The following MTA3 variants were observed in gnomAD, a reference collection of about 807,000 sequenced individuals.
MTA3 encodes the protein metastasis-associated protein MTA3.
In MTA3, 34 loss-of-function variants were observed where a neutral mutation model predicts 83.5. That is an observed-to-expected ratio of 0.41 (90% CI 0.31 to 0.54). The LOEUF (loss-of-function observed/expected upper bound fraction) is 0.54, where lower values mean the gene tolerates loss of function less well. Ranked by LOEUF, MTA3 falls within the 20% of genes least tolerant of loss-of-function variation. MTA3 has a pLI of 0.33. For missense variants in MTA3, 761 were observed against 726.4 expected, an observed-to-expected ratio of 1.05 and a Z score of -0.55; for synonymous variants, 303 against 252.7, an observed-to-expected ratio of 1.20 and a Z score of -1.89.
intron 8 of MTA3, among the ~76,000 whole-genome samples, chr2:42,681,375 A>G (rs997565871): frequency 5.9e-5 from 9 of 152,198 alleles, no homozygotes; most frequent in African/African-American, 2.2e-4. Flanking sequence ...TTTCTGTCTT[A>G]GTACATGATT....
intron 3 of MTA3, among the ~76,000 whole-genome samples, chr2:42,584,886 G>A (rs2103899194): frequency 6.6e-6 from 1 of 151,598 alleles, no homozygotes; most frequent in East Asian, 1.9e-4. Flanking sequence ...TTCTCTTGGG[G>A]GAAAAAAATG....
chr2:42,552,180 C>T (rs1029292071), intron 2 of MTA3, among the ~76,000 whole-genome samples: 1 of 152,092 alleles, frequency 6.6e-6, no homozygotes, highest in African/African-American at 2.4e-5. Context: ...AGCAGAATTG[C>T]AAAGGCCCTG....
chr2:42,733,483 T>C (rs1015715088), intron 16 of MTA3, among the ~76,000 whole-genome samples: 1 of 152,240 alleles, frequency 6.6e-6, no homozygotes, highest in Non-Finnish European at 1.5e-5. Flanking sequence ...AGCCAAACCA[T>C]ATCAAGGCTC....
At chr2:42,744,562 C>T (rs1669271747) in intron 16 of MTA3, among the ~76,000 whole-genome samples, 1 of 152,104 alleles carries the variant, frequency 6.6e-6, no homozygotes, top group African/African-American at 2.4e-5. Flanking sequence ...CTCAGTGACC[C>T]ATAGAAGGTG....
At chr2:42,741,456 A>G (rs563411864) in intron 16 of MTA3, among the ~76,000 whole-genome samples, 4 of 152,294 alleles carry the variant, frequency 2.6e-5, no homozygotes, top group Non-Finnish European at 5.9e-5. Context: ...TTGGCTTTCA[A>G]TACGCCTTCC....
intron 2 of MTA3, among the ~76,000 whole-genome samples, chr2:42,496,758 C>T (rs1674156171): frequency 6.6e-6 from 1 of 152,186 alleles, no homozygotes; most frequent in African/African-American, 2.4e-5. Context: ...ATGTCAAACT[C>T]TGCTCACTCT....
At chr2:42,625,862 G>T (rs1477313590) in intron 4 of MTA3, among the ~76,000 whole-genome samples, 14 of 149,972 alleles carry the variant, frequency 9.3e-5, no homozygotes, top group African/African-American at 3.5e-4. Flanking sequence ...GTTTCTTCAA[G>T]TTCAGTTGTT....
intron 16 of MTA3, among the ~76,000 whole-genome samples, chr2:42,730,884 A>G (rs1346372461): frequency 6.6e-6 from 1 of 151,848 alleles, no homozygotes; most frequent in East Asian, 1.9e-4. Flanking sequence ...TGATCTCATT[A>G]CTTGTTATTG....
chr2:42,629,451 AT>A (rs1411999692), intron 4 of MTA3, among the ~76,000 whole-genome samples: 4 of 151,818 alleles, frequency 2.6e-5, no homozygotes, highest in South Asian at 4.1e-4. Flanking sequence ...TAAAATTTAA[AT>A]TTTTTTTGGT....
chr2:42,574,328 T>C (rs1678811102), intron 2 of MTA3, among the ~76,000 whole-genome samples: 2 of 150,756 alleles, frequency 1.3e-5, no homozygotes, highest in African/African-American at 4.9e-5. Context: ...GGTTTCTCCA[T>C]GTTGGTCAGG....
At chr2:42,521,963 A>G (rs1675448682) in intron 2 of MTA3, among the ~76,000 whole-genome samples, 2 of 152,122 alleles carry the variant, frequency 1.3e-5, no homozygotes, top group Admixed American at 1.3e-4. Context: ...CATGTTGGCC[A>G]GGGTGGTCTT....
Position 42,722,872 on chromosome 2 carries a change from C to G in MTA3, c.1613-17C>G. On this transcript the variant is annotated splice_polypyrimidine_tract_variant and intron_variant, in intron 15 of 16. Coordinates refer to ENST00000405094, the MANE Select transcript of MTA3 (RefSeq NM_001330442.2). The stretch of plus-strand genomic sequence containing the variant: ...AATATCATGTTCTGAATTGAGAAAC[C>G]TTTTTTCCCCCATCAGAGATCCATC... 1.3e-6 allele frequency: 2 copies of G among 1,550,148 alleles called. No individual in the cohort carries two copies. The highest frequency in any genetic ancestry group is 1.2e-5 in the South Asian group (1 of 83,878).
chr2:42,642,350 A>G (rs1344177873), intron 5 of MTA3, among the ~76,000 whole-genome samples: 1 of 152,126 alleles, frequency 6.6e-6, no homozygotes, highest in East Asian at 1.9e-4. Flanking sequence ...GAACTGAAGT[A>G]TCTCTGCATT....
intron 8 of MTA3, among the ~76,000 whole-genome samples, chr2:42,671,952 C>T (rs1690833240): frequency 1.3e-5 from 2 of 152,134 alleles, no homozygotes; most frequent in African/African-American, 2.4e-5. Flanking sequence ...CTAGAAAATA[C>T]CCTCATGATA....
At chr2:42,615,605 C>T (rs575359567) in intron 4 of MTA3, among the ~76,000 whole-genome samples, 70 of 151,650 alleles carry the variant, frequency 4.6e-4, no homozygotes, top group African/African-American at 1.5e-3. Context: ...CCGCCCACCT[C>T]GGCGTCCCAA....
At chr2:42,683,582 G>T (rs144903149) in intron 9 of MTA3, among the ~76,000 whole-genome samples, 1 of 152,168 alleles carries the variant, frequency 6.6e-6, no homozygotes, top group African/African-American at 2.4e-5. Context: ...TGGAGAATCA[G>T]TGAGACCTCT....
chr2:42,559,949 T>C (rs1470639045), intron 2 of MTA3, among the ~76,000 whole-genome samples: 1 of 151,996 alleles, frequency 6.6e-6, no homozygotes, highest in Non-Finnish European at 1.5e-5. Flanking sequence ...CTACTCCAAG[T>C]CTTTGTTACT....
chr2:42,639,831 A>G (rs1452309424), intron 4 of MTA3, among the ~76,000 whole-genome samples: 1 of 152,190 alleles, frequency 6.6e-6, no homozygotes, highest in Non-Finnish European at 1.5e-5. Flanking sequence ...ATATCTATTT[A>G]TAGGTTCAGA....
chr2:42,747,625 G>T (rs1669539776), intron 16 of MTA3, among the ~76,000 whole-genome samples: 1 of 151,504 alleles, frequency 6.6e-6, no homozygotes, highest in Non-Finnish European at 1.5e-5. Context: ...AACGCCCATA[G>T]TGCTTGTTAC....
Sources: allele counts gnomAD v4.1 joint callset (sites outside exome capture counted in the v4.1 genomes callset), GRCh38; gene constraint gnomAD v4.1.1; transcripts MANE v1.5; gene names NCBI Gene and HGNC (gene_info 2026-07-23, HGNC 2026-07-21).